Variants in EPHA6 observed in about 807,000 individuals in gnomAD.
EPHA6 encodes EPH receptor A6.
In EPHA6, 50 loss-of-function variants were observed where a neutral mutation model predicts 112.0. The observed-to-expected ratio is 0.45, with a 90% CI of 0.36 to 0.56. The LOEUF (loss-of-function observed/expected upper bound fraction) is 0.56, where lower values mean the gene tolerates loss of function less well. Ranked by LOEUF, EPHA6 falls within the 20% of genes least tolerant of loss-of-function variation. The pLI is 0.00. For missense variants in EPHA6, 1,280 were observed against 1,417.4 expected, an observed-to-expected ratio of 0.90 and a Z score of 1.56; for synonymous variants, 529 against 490.7, an observed-to-expected ratio of 1.08 and a Z score of -1.03.
intron 14 of EPHA6, among the ~76,000 whole-genome samples, chr3:97,651,461 T>G (rs1037870916): frequency 6.6e-6 from 1 of 152,028 alleles, no homozygotes; most frequent in Non-Finnish European, 1.5e-5. Context: ...TAAAAATGAT[T>G]TATAAAATCA....
intron 2 of EPHA6, among the ~76,000 whole-genome samples, chr3:96,973,962 A>G (rs1362063006): frequency 2.1e-5 from 3 of 145,872 alleles, no homozygotes; most frequent in Admixed American, 6.9e-5. Flanking sequence ...TAATAAATAT[A>G]CATATTATAA....
At chr3:96,918,582 CT>C (rs1427936467) in intron 2 of EPHA6, among the ~76,000 whole-genome samples, 3 of 151,964 alleles carry the variant, frequency 2.0e-5, no homozygotes, top group Non-Finnish European at 4.4e-5. Flanking sequence ...TGGGAACTTA[CT>C]TTTATAAGGC....
intron 5 of EPHA6, among the ~76,000 whole-genome samples, chr3:97,289,238 A>G (rs989385000): frequency 3.9e-5 from 6 of 152,136 alleles, no homozygotes; most frequent in African/African-American, 1.4e-4. Flanking sequence ...TCTTTAACCC[A>G]TATTAAGTTA....
chr3:96,887,144 G>T (rs189936446), intron 2 of EPHA6, among the ~76,000 whole-genome samples: 3 of 152,034 alleles, frequency 2.0e-5, no homozygotes, highest in Non-Finnish European at 4.4e-5. Flanking sequence ...ATTTGGTTGG[G>T]GGGGCGAGGT....
chr3:97,377,762 T>C (rs898737135), intron 5 of EPHA6, among the ~76,000 whole-genome samples: 7 of 152,158 alleles, frequency 4.6e-5, no homozygotes, highest in African/African-American at 1.7e-4. Flanking sequence ...CACTACAGAT[T>C]TGTAGAACTT....
intron 11 of EPHA6, among the ~76,000 whole-genome samples, chr3:97,562,462 C>G (rs2093205065): frequency 1.3e-5 from 2 of 152,096 alleles, no homozygotes; most frequent in African/African-American, 4.8e-5. Context: ...CGCAGGAGAA[C>G]TAGAATTAGA....
At chr3:97,463,071 T>G (rs2090941596) in intron 7 of EPHA6, among the ~76,000 whole-genome samples, 1 of 152,120 alleles carries the variant, frequency 6.6e-6, no homozygotes, top group South Asian at 2.1e-4. Flanking sequence ...ATAGTCCAAA[T>G]TTCATGTTTT....
chr3:97,168,292 A>G (rs1162142613), intron 3 of EPHA6, among the ~76,000 whole-genome samples: 2 of 152,076 alleles, frequency 1.3e-5, no homozygotes, highest in African/African-American at 4.8e-5. Context: ...TAACACTTTG[A>G]TATGGTTTGG....
chr3:97,403,474 T>A (rs2087122911), intron 5 of EPHA6, among the ~76,000 whole-genome samples: 1 of 152,162 alleles, frequency 6.6e-6, no homozygotes, highest in Admixed American at 6.5e-5. Flanking sequence ...TGAGACGGAG[T>A]CTCACTCTGT....
chr3:97,278,738 T>C (rs1282568462), intron 5 of EPHA6, among the ~76,000 whole-genome samples: 1 of 152,196 alleles, frequency 6.6e-6, no homozygotes, highest in African/African-American at 2.4e-5. Context: ...GATCAGCTCC[T>C]GTAGTGGGTG....
intron 2 of EPHA6, among the ~76,000 whole-genome samples, chr3:96,884,852 C>A (rs1053660912): frequency 6.6e-6 from 1 of 152,104 alleles, no homozygotes; most frequent in Non-Finnish European, 1.5e-5. Context: ...ATTATGTTGG[C>A]TGTGGGTTTG....
At chr3:97,507,796 C>CTT (rs35924528) in intron 10 of EPHA6, among the ~76,000 whole-genome samples, 195 of 150,886 alleles carry the variant, frequency 1.3e-3, no homozygotes, top group African/African-American at 4.5e-3. Flanking sequence ...TGGTCCTGGG[C>CTT]TTTTTTTTTG....
intron 2 of EPHA6, among the ~76,000 whole-genome samples, chr3:96,984,172 A>G (rs899590926): frequency 2.0e-5 from 3 of 151,448 alleles, no homozygotes; most frequent in Non-Finnish European, 4.4e-5. Flanking sequence ...TTTTTTTCCC[A>G]TCTTTGTGGT....
chr3:97,459,442 C>T (rs1430479212), intron 7 of EPHA6, among the ~76,000 whole-genome samples: 1 of 152,206 alleles, frequency 6.6e-6, no homozygotes, highest in African/African-American at 2.4e-5. Flanking sequence ...AATAGCACAA[C>T]ACTGGCAGCA....
chr3:97,438,945 C>G (rs1577414444), intron 6 of EPHA6, among the ~76,000 whole-genome samples: 1 of 152,148 alleles, frequency 6.6e-6, no homozygotes, highest in South Asian at 2.1e-4. Context: ...AAAGATCACA[C>G]TTTAATAATT....
At chr3:97,071,175 C>G (rs1425022379) in intron 3 of EPHA6, among the ~76,000 whole-genome samples, 2 of 151,978 alleles carry the variant, frequency 1.3e-5, no homozygotes, top group Non-Finnish European at 2.9e-5. Flanking sequence ...ATATCTACCA[C>G]TATTCCTTCT....
At chr3:97,640,844 G>T (rs1021285826) in intron 14 of EPHA6, among the ~76,000 whole-genome samples, 4 of 152,082 alleles carry the variant, frequency 2.6e-5, no homozygotes, top group Non-Finnish European at 4.4e-5. Context: ...TGAAGGACAG[G>T]AGGACTAGTA....
chr3:97,158,444 C>A (rs1385093643), intron 3 of EPHA6, among the ~76,000 whole-genome samples: 1 of 152,102 alleles, frequency 6.6e-6, no homozygotes, highest in African/African-American at 2.4e-5. Context: ...GGTCATGGTT[C>A]TTTACAAGTG....
At position 97,083,001 on chromosome 3, in the gene EPHA6, T is replaced by A. The variant is rs375567707; in HGVS notation, c.1114+95008T>A. 4.0e-3 allele frequency among the ~76,000 whole-genome samples: 603 copies of A among 151,036 alleles called. 5 individuals are homozygous for A. Among genetic ancestry groups the A allele is most frequent in the Non-Finnish European group, 5.9e-3 (401 of 67,856 alleles). ...TGGCTTTATGATACATAATAAAATA[T>A]CTTTGAGTCCCTAAATTTGTCCATT... On this transcript the variant is annotated intron_variant, in intron 3 of 17. Transcript: ENST00000389672.
Sources: allele counts gnomAD v4.1 joint callset (sites outside exome capture counted in the v4.1 genomes callset), GRCh38; gene constraint gnomAD v4.1.1; transcripts MANE v1.5; gene names NCBI Gene and HGNC (gene_info 2026-07-23, HGNC 2026-07-21).